Variants in LIN9 observed in about 807,000 individuals in gnomAD.
LIN9 encodes the protein lin-9 DREAM MuvB core complex component.
In LIN9, 18 loss-of-function variants were observed where a neutral mutation model predicts 78.0. That is an observed-to-expected ratio of 0.23 (90% CI 0.16 to 0.34). The LOEUF (loss-of-function observed/expected upper bound fraction) is 0.34, where lower values mean the gene tolerates loss of function less well. Ranked by LOEUF, LIN9 falls within the 10% of genes least tolerant of loss-of-function variation. The pLI is 1.00. For missense variants in LIN9, 451 were observed against 644.1 expected (o/e 0.70, Z 3.25); for synonymous variants, 192 against 215.2 (o/e 0.89, Z 0.94).
At chr1:226,283,877 G>A (rs906267697) in intron 6 of LIN9, among the ~76,000 whole-genome samples, 1 of 152,056 alleles carries the variant, frequency 6.6e-6, no homozygotes, top group Non-Finnish European at 1.5e-5. Flanking sequence ...AGGAGGCAGA[G>A]GTTGCAGTGA....
rs1278689019 is a variant in LIN9 at position 226,233,532 on chromosome 1, A to G, written c.1246-9T>C. 3 of 1,593,534 alleles carry G rather than the reference A, an allele frequency of 1.9e-6. No homozygotes were observed. Among genetic ancestry groups the G allele is most frequent in the African/African-American group, 2.7e-5 (2 of 74,232 alleles). ...CCCTGGTCTGGAGCAAGCTGAATAC[A>G]GATGATTGAAGCATGAGACGCATGT... On this transcript the variant is annotated splice_polypyrimidine_tract_variant and intron_variant, in intron 12 of 14. Coordinates refer to ENST00000681046, the MANE Select transcript of LIN9 (RefSeq NM_001366245.2).
At chr1:226,257,064 G>A (rs550019268) in intron 10 of LIN9, among the ~76,000 whole-genome samples, 162 of 151,290 alleles carry the variant, frequency 1.1e-3, no homozygotes, top group Non-Finnish European at 1.7e-3. Flanking sequence ...AGCGATTCTC[G>A]TGCCTCAGCC....
intron 7 of LIN9, among the ~76,000 whole-genome samples, 170 bp downstream of exon 7, chr1:226,277,605 A>G (rs1024262962): frequency 6.6e-6 from 1 of 152,250 alleles, no homozygotes; most frequent in Non-Finnish European, 1.5e-5. Context: ...CTGAGCATCA[A>G]CCAGGCTCAG....
intron 10 of LIN9, among the ~76,000 whole-genome samples, chr1:226,257,659 G>GA (rs200174270): frequency 6.7e-6 from 1 of 149,866 alleles, no homozygotes; most frequent in Non-Finnish European, 1.5e-5. Flanking sequence ...AAAGCTAAAA[G>GA]AAAAAAAAGT....
At chr1:226,240,238 G>A (rs1658016226) in intron 11 of LIN9, among the ~76,000 whole-genome samples, 1 of 152,142 alleles carries the variant, frequency 6.6e-6, no homozygotes, top group South Asian at 2.1e-4. Context: ...CATGCACTAA[G>A]AGTGGTTTTG....
At chr1:226,252,656 T>A (rs951409096) in intron 10 of LIN9, among the ~76,000 whole-genome samples, 2 of 152,116 alleles carry the variant, frequency 1.3e-5, no homozygotes, top group Non-Finnish European at 2.9e-5. Flanking sequence ...GTAATGATGG[T>A]ATTGTAGTTA....
chr1:226,270,860 A>G (rs1463148842), intron 7 of LIN9, among the ~76,000 whole-genome samples: 5 of 142,116 alleles, frequency 3.5e-5, no homozygotes, highest in Admixed American at 7.0e-5. Flanking sequence ...AGGTTTGTGT[A>G]TGTATGTACT....
At chr1:226,253,215 A>T (rs1658954349) in intron 10 of LIN9, among the ~76,000 whole-genome samples, 1 of 147,534 alleles carries the variant, frequency 6.8e-6, no homozygotes, top group Admixed American at 6.9e-5. Flanking sequence ...GTGATCTGTG[A>T]TCATGCCACT....
intron 7 of LIN9, among the ~76,000 whole-genome samples, chr1:226,270,482 G>A (rs1660192522): frequency 6.6e-6 from 1 of 152,128 alleles, no homozygotes. Flanking sequence ...GAAAAGTACA[G>A]TAAGAAATTG....
chr1:226,286,643 C>T (rs1485798547), intron 5 of LIN9, among the ~76,000 whole-genome samples, 185 bp from the exon 6 acceptor site: 1 of 152,200 alleles, frequency 6.6e-6, no homozygotes, highest in Non-Finnish European at 1.5e-5. Context: ...AAAAGTTGCT[C>T]AGGAAATATT....
chr1:226,251,074 T>G (rs1387165380), intron 10 of LIN9, among the ~76,000 whole-genome samples, 155 bp from the exon 11 acceptor site: 1 of 152,136 alleles, frequency 6.6e-6, no homozygotes, highest in Non-Finnish European at 1.5e-5. Context: ...TTTTTTTTTC[T>G]GAGACAGAGT....
chr1:226,269,198 T>A lies in LIN9; in HGVS notation c.683-1108A>T, dbSNP rs184982281. ...AACACAGAAATACACAATGCAAGAC[T>A]GTTTAAAATAAAAGGATCAATTGAT... is the stretch of plus-strand genomic sequence containing the variant. On this transcript the variant is annotated intron_variant, in intron 7 of 14. Coordinates refer to ENST00000681046, the MANE Select transcript of LIN9 (RefSeq NM_001366245.2). Among the ~76,000 whole-genome samples the A allele has an allele frequency of 2.6e-5, 4 of 152,314 alleles. No homozygotes were observed. The East Asian group carries it at 5.8e-4, about 22-fold the overall frequency.
intron 11 of LIN9, among the ~76,000 whole-genome samples, chr1:226,241,640 C>T (rs1323573172): frequency 3.3e-5 from 5 of 152,018 alleles, no homozygotes; most frequent in African/African-American, 9.7e-5. Context: ...GGGTGGATCA[C>T]GAGGTCAGGA....
At chr1:226,263,368 T>A (rs1441615489) in intron 10 of LIN9, among the ~76,000 whole-genome samples, 2 of 152,152 alleles carry the variant, frequency 1.3e-5, no homozygotes, top group Non-Finnish European at 2.9e-5. Context: ...ACTACACATG[T>A]GTGGGGTCAG....
At chr1:226,234,126 T>G (rs1657531222) in intron 12 of LIN9, among the ~76,000 whole-genome samples, 1 of 152,196 alleles carries the variant, frequency 6.6e-6, no homozygotes, top group Non-Finnish European at 1.5e-5. Flanking sequence ...AATTGGTAAG[T>G]TAAGTGTCTG....
chr1:226,279,291 A>T (rs1021812516), intron 6 of LIN9, among the ~76,000 whole-genome samples: 1 of 151,922 alleles, frequency 6.6e-6, no homozygotes, highest in African/African-American at 2.4e-5. Context: ...ACATAGTGAG[A>T]CTTTGTTTCT....
chr1:226,294,461 A>AAG (rs1662000356), intron 4 of LIN9, among the ~76,000 whole-genome samples: 1 of 151,810 alleles, frequency 6.6e-6, no homozygotes, highest in African/African-American at 2.4e-5. Context: ...AATCCCAGCT[A>AAG]CTCGGGAGGC....
chr1:226,234,116 A>AC (rs952710512), intron 12 of LIN9, among the ~76,000 whole-genome samples: 1 of 152,186 alleles, frequency 6.6e-6, no homozygotes, highest in Admixed American at 6.5e-5. Context: ...CTCTTTGATC[A>AC]ATTGGTAAGT....
chr1:226,268,682 C>T (rs1169011254), intron 7 of LIN9, among the ~76,000 whole-genome samples: 1 of 152,176 alleles, frequency 6.6e-6, no homozygotes, highest in Non-Finnish European at 1.5e-5. Context: ...ATGTACTAGG[C>T]AAAAGATGCC....
Sources: gnomAD v4.1 joint callset for allele counts (sites outside exome capture counted in the v4.1 genomes callset) on GRCh38, gnomAD v4.1.1 for gene constraint, MANE v1.5 for transcripts, NCBI Gene and HGNC (gene_info 2026-07-23, HGNC 2026-07-21) for gene names.